Variants in RDX observed in about 807,000 individuals in gnomAD.
RDX encodes the protein deafness, autosomal recessive 24.
A neutral mutation model predicts 83.7 loss-of-function variants in RDX; 32 were observed. The ratio of observed to expected loss-of-function variants is 0.38; its 90% CI spans 0.29 to 0.51. The LOEUF (loss-of-function observed/expected upper bound fraction) is 0.51. Ranked by LOEUF, RDX falls within the 20% of genes least tolerant of loss-of-function variation. The pLI, the probability that RDX is intolerant of heterozygous loss-of-function variation, is 0.87. For missense variants in RDX, 600 were observed against 689.9 expected, an observed-to-expected ratio of 0.87 and a Z score of 1.46; for synonymous variants, 229 against 222.7, an observed-to-expected ratio of 1.03 and a Z score of -0.25.
At chr11:110,293,251 C>T (rs368482262) in intron 1 of RDX, among the ~76,000 whole-genome samples, 5 of 152,228 alleles carry the variant, frequency 3.3e-5, no homozygotes, top group East Asian at 3.9e-4. Context: ...AAGGAATTGC[C>T]GACAGCAGCT....
At chr11:110,259,643 C>T (rs781581346) in intron 5 of RDX, among the ~76,000 whole-genome samples, 2 of 152,164 alleles carry the variant, frequency 1.3e-5, no homozygotes, top group East Asian at 3.8e-4. Context: ...CATCTTCCTT[C>T]TGAGAGAGCT....
chr11:110,282,023 G>A lies in RDX; in HGVS notation c.-64-2267C>T, dbSNP rs149758407. Among the ~76,000 whole-genome samples, 283 of 150,444 alleles carry A rather than the reference G, an allele frequency of 1.9e-3. 2 individuals carry two copies. The highest frequency in any genetic ancestry group is 6.7e-3 in the African/African-American group (276 of 41,064). ...GAAGGAATGCTTGAGCCTGGGAAGTGCAGGTTGAAGTGAGCTGAGATCACC... is the reference window on the plus strand; with the variant it reads ...GAAGGAATGCTTGAGCCTGGGAAGTACAGGTTGAAGTGAGCTGAGATCACC... On this transcript the variant is annotated intron_variant, in intron 1 of 13. Coordinates refer to ENST00000645495, the MANE Select transcript of RDX (RefSeq NM_002906.4).
chr11:110,263,829 C>T (rs910450242), intron 5 of RDX, 131 bp downstream of exon 5: 121 of 767,506 alleles, frequency 1.6e-4, no homozygotes, highest in Non-Finnish European at 2.4e-4. Flanking sequence ...GATCACGCCA[C>T]TGCACTCCAG....
chr11:110,179,909 T>TC (rs1862850783), intron 15 of RDX: 6 of 423,554 alleles, frequency 1.4e-5, no homozygotes, highest in South Asian at 1.0e-4. Flanking sequence ...TTTTCTTTTT[T>TC]TTTTTTTTTT....
chr11:110,237,641 GTTC>G lies in RDX; in HGVS notation c.1099_1101del (p.Glu367del). On this transcript the variant is annotated inframe_deletion, in exon 11 of 14. Coordinates refer to ENST00000645495, the MANE Select transcript of RDX (RefSeq NM_002906.4). ...TCCAGTTCTAGAGCTTTTCGAGTCTGTTCTTCTAGTTCTATGAAATATGTGTAT... is the reference window on the plus strand; with the variant it reads ...TCCAGTTCTAGAGCTTTTCGAGTCTGTTCTAGTTCTATGAAATATGTGTAT... The G allele has an allele frequency of 6.2e-7, 1 of 1,614,056 alleles. No homozygotes were observed. The highest frequency in any genetic ancestry group is 8.5e-7 in the Non-Finnish European group (1 of 1,179,948).
intron 14 of RDX, among the ~76,000 whole-genome samples, chr11:110,209,490 G>C (rs1863742386): frequency 6.6e-6 from 1 of 152,248 alleles, no homozygotes; most frequent in Non-Finnish European, 1.5e-5. Context: ...GCCCACCACA[G>C]CTCAAGGAGG....
chr11:110,225,892 A>AG (rs1444237303), downstream of RDX, among the ~76,000 whole-genome samples: 1 of 150,254 alleles, frequency 6.7e-6, no homozygotes, highest in African/African-American at 2.4e-5. Context: ...ACTAAAAAAA[A>AG]AAAGAAGAAG....
downstream of RDX, among the ~76,000 whole-genome samples, chr11:110,225,767 C>T (rs1864411120): frequency 6.6e-6 from 1 of 152,020 alleles, no homozygotes; most frequent in African/African-American, 2.4e-5. Context: ...AAACACAGGG[C>T]CAGGTGCGAT....
intron 7 of RDX, among the ~76,000 whole-genome samples, chr11:110,257,181 T>C (rs570227474): frequency 6.6e-6 from 1 of 151,262 alleles, no homozygotes; most frequent in African/African-American, 2.4e-5. Context: ...ATTATACATA[T>C]AATAAAATAT....
intron 15 of RDX, among the ~76,000 whole-genome samples, chr11:110,198,706 C>A (rs1333137236): frequency 1.3e-5 from 2 of 152,210 alleles, no homozygotes; most frequent in African/African-American, 4.8e-5. Flanking sequence ...CCACTCCCAG[C>A]CCATGGAAAA....
chr11:110,215,200 A>T (rs1195026814), intron 14 of RDX, among the ~76,000 whole-genome samples: 1 of 150,188 alleles, frequency 6.7e-6, no homozygotes, highest in Non-Finnish European at 1.5e-5. Context: ...CTCTACTTAA[A>T]AAATACAAAA....
rs542016269 is a variant in RDX at position 110,175,642 on chromosome 11, G to A, written c.*32-408C>T. 7.2e-5 allele frequency among the ~76,000 whole-genome samples: 11 copies of A among 152,216 alleles called. No individual in the cohort carries two copies. The South Asian group carries it at 1.2e-3, about 17-fold the overall frequency. On this transcript the variant is annotated intron_variant, in intron 15 of 15. Transcript: ENST00000528498. ...GTGGGGGTGGGGGCCTGCCAGAGGC[G>A]AGGCTTTCTGTCTCAGCCTTCAAAG...
At chr11:110,257,328 G>T (rs915007283) in intron 7 of RDX, among the ~76,000 whole-genome samples, 1 of 151,802 alleles carries the variant, frequency 6.6e-6, no homozygotes, top group Non-Finnish European at 1.5e-5. Context: ...ATATATAAAT[G>T]TTCAAAAAAA....
At chr11:110,238,030 A>T (rs569332645) in intron 10 of RDX, 2 of 206,368 alleles carry the variant, frequency 9.7e-6, no homozygotes, top group South Asian at 7.5e-5. Flanking sequence ...TTTTATTTTT[A>T]AAAAATAATC....
intron 14 of RDX, among the ~76,000 whole-genome samples, chr11:110,219,784 A>T (rs1864183175): frequency 6.6e-6 from 1 of 152,232 alleles, no homozygotes; most frequent in Non-Finnish European, 1.5e-5. Context: ...TGAGATGCTT[A>T]TTAGATATCA....
chr11:110,176,678 G>A (rs1454239760), intron 15 of RDX, among the ~76,000 whole-genome samples: 3 of 152,204 alleles, frequency 2.0e-5, no homozygotes, highest in Non-Finnish European at 4.4e-5. Context: ...AGTGGTGAGA[G>A]GGGTGGCGCA....
chr11:110,272,061 A>C (rs1860330342), intron 3 of RDX, among the ~76,000 whole-genome samples: 1 of 152,232 alleles, frequency 6.6e-6, no homozygotes, highest in Non-Finnish European at 1.5e-5. Context: ...TTGTGTTTAG[A>C]CTTGGGTCCC....
chr11:110,278,656 C>T lies in RDX; in HGVS notation c.12+1025G>A, dbSNP rs570924914. ...TTTATAGATTTATGAGGATTTTCTA[C>T]AGAAACAATCATGTCATCTGCAAAT... is the stretch of plus-strand genomic sequence containing the variant. On this transcript the variant is annotated intron_variant, in intron 2 of 13. Transcript: ENST00000645495. Among the ~76,000 whole-genome samples the T allele has an allele frequency of 3.1e-3, 469 of 152,022 alleles. 2 individuals carry two copies. The highest frequency in any genetic ancestry group is 0.011 in the African/African-American group (456 of 41,510).
At chr11:110,179,610 T>C (rs1350630224) in intron 15 of RDX, among the ~76,000 whole-genome samples, 3 of 152,100 alleles carry the variant, frequency 2.0e-5, no homozygotes, top group Non-Finnish European at 1.5e-5. Context: ...CTGTCTCTAC[T>C]AAAAATACAA....
Sources: gnomAD v4.1 joint callset for allele counts (sites outside exome capture counted in the v4.1 genomes callset) on GRCh38, gnomAD v4.1.1 for gene constraint, MANE v1.5 for transcripts, NCBI Gene and HGNC (gene_info 2026-07-23, HGNC 2026-07-21) for gene names.